The following OLA1 variants were observed in gnomAD, a reference collection of about 807,000 sequenced individuals.
OLA1 encodes the protein Obg like ATPase 1.
In OLA1, 14 loss-of-function variants were observed where a neutral mutation model predicts 48.4. The ratio of observed to expected loss-of-function variants is 0.29; its 90% CI spans 0.19 to 0.45. OLA1 has a LOEUF of 0.45. Among genes scored for constraint, OLA1 ranks in the 20% least tolerant of loss-of-function variants. The pLI is 1.00. For missense variants in OLA1, 325 were observed against 467.1 expected, an observed-to-expected ratio of 0.70 and a Z score of 2.80; for synonymous variants, 127 against 150.4, an observed-to-expected ratio of 0.84 and a Z score of 1.14.
At position 174,075,997 on chromosome 2, in the gene OLA1, T is replaced by G. The variant is rs569952702; in HGVS notation, c.1090-470A>C. Among the ~76,000 whole-genome samples, 14 of 152,328 alleles carry G rather than the reference T, an allele frequency of 9.2e-5. No individual in the cohort carries two copies. The South Asian group carries it at 2.9e-3, about 32-fold the overall frequency. Reference sequence around the variant, plus strand: ...ATAGTTGGTATAAGGAAAATTATGATCAGTTGTTGTGTAAGATTCTGAACT... The same window carrying G: ...ATAGTTGGTATAAGGAAAATTATGAGCAGTTGTTGTGTAAGATTCTGAACT... On this transcript the variant is annotated intron_variant, in intron 10 of 10. Transcript: ENST00000284719.
At chr2:174,230,743 G>A (rs936480874) in intron 2 of OLA1, among the ~76,000 whole-genome samples, 3 of 152,180 alleles carry the variant, frequency 2.0e-5, no homozygotes, top group African/African-American at 7.2e-5. Flanking sequence ...AGGTCATCTG[G>A]GGGCTGGAAG....
chr2:174,116,927 T>C (rs148854965), intron 7 of OLA1, among the ~76,000 whole-genome samples: 2 of 152,328 alleles, frequency 1.3e-5, no homozygotes, highest in East Asian at 3.9e-4. Flanking sequence ...AAAATCATGC[T>C]ACTGTAACAT....
intron 4 of OLA1, among the ~76,000 whole-genome samples, chr2:174,194,857 C>T (rs1007300522): frequency 2.0e-5 from 3 of 152,050 alleles, no homozygotes; most frequent in Non-Finnish European, 2.9e-5. Flanking sequence ...ATACATTTAC[C>T]ACAACTCTAT....
chr2:174,179,989 A>G (rs1162066636), intron 4 of OLA1, among the ~76,000 whole-genome samples: 1 of 152,018 alleles, frequency 6.6e-6, no homozygotes, highest in Non-Finnish European at 1.5e-5. Context: ...TTTCCTCACA[A>G]ATTTATAAGA....
At chr2:174,098,595 C>T (rs1374317) in intron 7 of OLA1, among the ~76,000 whole-genome samples, 80,212 of 151,944 alleles carry the variant, frequency 0.53, 21,718 homozygotes, top group East Asian at 0.95. Context: ...AAGGAGGTAG[C>T]ATGGAATATG....
In OLA1 at chr2:174,073,267, T is replaced by G. The variant is rs1483811588; in HGVS notation, c.*2159A>C. ...CCTCCCACCTCGGCCTCCCAAAGTGTTGGGATTATAGGTGTGAGCCTCCAC... is the reference window on the plus strand; with the variant it reads ...CCTCCCACCTCGGCCTCCCAAAGTGGTGGGATTATAGGTGTGAGCCTCCAC... On this transcript the variant is annotated 3_prime_UTR_variant, in exon 11 of 11. Transcript: ENST00000284719. 6.6e-6 allele frequency: 1 copy of G among 152,132 alleles called. No individual in the cohort carries two copies. The highest frequency in any genetic ancestry group is 1.5e-5 in the Non-Finnish European group (1 of 68,036). The allele number at this position is 152,132 out of a possible 1,614,324, so 9.4% of individuals were successfully genotyped here.
intron 6 of OLA1, 89 bp downstream of exon 6, chr2:174,123,506 T>C (rs746397224): frequency 2.6e-6 from 2 of 781,690 alleles, no homozygotes; most frequent in South Asian, 2.0e-5. Context: ...TTAGATATAA[T>C]GGTAAGTGTA....
At chr2:174,222,873 A>G (rs531788453) in intron 4 of OLA1, among the ~76,000 whole-genome samples, 160 bp downstream of exon 4, 1 of 152,358 alleles carries the variant, frequency 6.6e-6, no homozygotes, top group East Asian at 1.9e-4. Context: ...CGGAGATGAT[A>G]CTAAGTAACA....
intron 8 of OLA1, 148 bp downstream of exon 8, chr2:174,081,776 T>C: frequency 2.7e-6 from 2 of 745,596 alleles, no homozygotes; most frequent in East Asian, 5.4e-5. Flanking sequence ...ATAAATCTTT[T>C]CACTCTGTCT....
intron 4 of OLA1, among the ~76,000 whole-genome samples, chr2:174,179,230 T>A (rs564836749): frequency 1.3e-5 from 2 of 151,880 alleles, no homozygotes; most frequent in Admixed American, 1.3e-4. Flanking sequence ...ACGAAATTCC[T>A]AAAGTACAAT....
chr2:174,089,592 G>A (rs1685059417), intron 7 of OLA1, among the ~76,000 whole-genome samples: 1 of 152,148 alleles, frequency 6.6e-6, no homozygotes, highest in African/African-American at 2.4e-5. Context: ...ATGGTCAACA[G>A]TGTCTTACTT....
intron 2 of OLA1, among the ~76,000 whole-genome samples, chr2:174,235,859 G>A (rs4625870): frequency 0.22 from 32,817 of 152,058 alleles, 3,628 homozygotes; most frequent in Middle Eastern, 0.3. Context: ...AGGATGAACA[G>A]TTCTCAGGGC....
chr2:174,220,362 C>T (rs1688473364), intron 4 of OLA1, among the ~76,000 whole-genome samples: 1 of 152,108 alleles, frequency 6.6e-6, no homozygotes, highest in Non-Finnish European at 1.5e-5. Context: ...CCTCCTTTTG[C>T]TAACTTAGTT....
At chr2:174,122,191 C>T (rs183441806) in intron 7 of OLA1, among the ~76,000 whole-genome samples, 11 of 152,288 alleles carry the variant, frequency 7.2e-5, no homozygotes, top group Admixed American at 7.2e-4. Flanking sequence ...CTATCAGGAA[C>T]ACAAAATGTC....
intron 4 of OLA1, among the ~76,000 whole-genome samples, chr2:174,182,359 T>C (rs1168231148): frequency 6.6e-6 from 1 of 152,090 alleles, no homozygotes; most frequent in Admixed American, 6.5e-5. Context: ...CCCCTGTCTC[T>C]ACTAAAAATA....
intron 4 of OLA1, among the ~76,000 whole-genome samples, chr2:174,181,058 A>G (rs1053067615): frequency 6.6e-6 from 1 of 152,208 alleles, no homozygotes; most frequent in Non-Finnish European, 1.5e-5. Context: ...TCACTCATTC[A>G]ACAAATATTG....
In OLA1 at chr2:174,221,117, G is replaced by A. The variant is rs541528170; in HGVS notation, c.373+1916C>T. Among the ~76,000 whole-genome samples, 4 of 152,066 alleles carry A rather than the reference G, an allele frequency of 2.6e-5. No homozygotes were observed. The East Asian group carries it at 7.7e-4, about 29-fold the overall frequency. On this transcript the variant is annotated intron_variant, in intron 4 of 10. Coordinates refer to ENST00000284719, the MANE Select transcript of OLA1 (RefSeq NM_013341.5). Reference sequence around the variant, plus strand: ...CACTGTATTTCATCAATTCTAAGATGCGTATTTTGGCACTTTCACATTCTG... The same window carrying A: ...CACTGTATTTCATCAATTCTAAGATACGTATTTTGGCACTTTCACATTCTG...
chr2:174,098,271 C>A (rs1351486104), intron 7 of OLA1, among the ~76,000 whole-genome samples: 10 of 152,152 alleles, frequency 6.6e-5, no homozygotes. Flanking sequence ...CGCATGCAAC[C>A]TGTGGCAAAA....
intron 3 of OLA1, among the ~76,000 whole-genome samples, chr2:174,228,898 G>A (rs1688669349): frequency 6.6e-6 from 1 of 152,018 alleles, no homozygotes; most frequent in Non-Finnish European, 1.5e-5. Context: ...TTCTTTTTGA[G>A]ACGGAGTCTT....
Sources: gnomAD v4.1 joint callset for allele counts (sites outside exome capture counted in the v4.1 genomes callset) on GRCh38, gnomAD v4.1.1 for gene constraint, MANE v1.5 for transcripts, NCBI Gene and HGNC (gene_info 2026-07-23, HGNC 2026-07-21) for gene names.